The following RAB10 variants were observed in gnomAD, a reference collection of about 807,000 sequenced individuals.
RAB10 encodes the protein ras-related protein Rab-10.
RAB10 carries 5 observed loss-of-function variants against 25.7 expected under a neutral mutation model. That is an observed-to-expected ratio of 0.19 (90% confidence interval 0.10 to 0.41). The LOEUF is 0.41. Among genes scored for constraint, RAB10 ranks in the 10% least tolerant of loss-of-function variants. The pLI, the probability that RAB10 is intolerant of heterozygous loss-of-function variation, is 1.00. For missense variants in RAB10, 103 were observed against 245.8 expected (o/e 0.42, Z 3.89); for synonymous variants, 89 against 86.4 (o/e 1.03, Z -0.16).
intron 5 of RAB10, among the ~76,000 whole-genome samples, chr2:26,132,418 G>C (rs537973600): frequency 6.6e-6 from 1 of 151,962 alleles, no homozygotes; most frequent in East Asian, 1.9e-4. Flanking sequence ...CACGCCTGGC[G>C]AATTTTTATA....
At chr2:26,097,512 A>AG (rs1667247820) in intron 1 of RAB10, among the ~76,000 whole-genome samples, 1 of 152,154 alleles carries the variant, frequency 6.6e-6, no homozygotes, top group Non-Finnish European at 1.5e-5. Context: ...TCCTGACCTC[A>AG]GGTGATCCGC....
At chr2:26,033,725 C>A (rs919850394), upstream of RAB10, among the ~76,000 whole-genome samples, 22 of 152,150 alleles carry the variant, frequency 1.4e-4, no homozygotes, top group African/African-American at 5.3e-4. Context: ...AGCGGGAGAC[C>A]CCGGGAGGGG....
At chr2:26,049,386 C>T (rs1314924677) in intron 1 of RAB10, among the ~76,000 whole-genome samples, 4 of 150,992 alleles carry the variant, frequency 2.6e-5, no homozygotes, top group Non-Finnish European at 4.4e-5. Context: ...ATTTACACTG[C>T]GCTTTCTGAA....
chr2:26,109,936 A>G, intron 3 of RAB10, 30 bp downstream of exon 3: 2 of 1,527,670 alleles, frequency 1.3e-6, no homozygotes, highest in Non-Finnish European at 1.8e-6. Context: ...TAAACCCTTC[A>G]TGAACACACA....
intron 1 of RAB10, among the ~76,000 whole-genome samples, chr2:26,061,090 GTCT>G (rs1666384688): frequency 1.2e-5 from 1 of 85,046 alleles, no homozygotes; most frequent in Admixed American, 1.4e-4. Context: ...ATTTATCTCT[GTCT>G]TTTTTTTTTT....
At chr2:26,086,429 G>T (rs1218159321) in intron 1 of RAB10, among the ~76,000 whole-genome samples, 1 of 152,164 alleles carries the variant, frequency 6.6e-6, no homozygotes, top group African/African-American at 2.4e-5. Context: ...CACTAGGATG[G>T]CTATTTAAAA....
intron 1 of RAB10, among the ~76,000 whole-genome samples, chr2:26,082,879 G>A (rs1666898304): frequency 6.6e-6 from 1 of 152,066 alleles, no homozygotes; most frequent in African/African-American, 2.4e-5. Context: ...AGGAATTTAT[G>A]AAAAGAATAA....
At chr2:26,073,460 A>G (rs763828377) in intron 1 of RAB10, among the ~76,000 whole-genome samples, 10 of 152,224 alleles carry the variant, frequency 6.6e-5, no homozygotes, top group Non-Finnish European at 1.5e-4. Context: ...TATGAGCTCA[A>G]GCCACAGCCA....
At chr2:26,134,147 G>A (rs1209201006) in intron 5 of RAB10, among the ~76,000 whole-genome samples, 1 of 151,742 alleles carries the variant, frequency 6.6e-6, no homozygotes, top group African/African-American at 2.4e-5. Context: ...TTACTCTCTT[G>A]GTCTGTTGCA....
chr2:26,089,403 A>G (rs1240249769), intron 1 of RAB10, among the ~76,000 whole-genome samples: 1 of 142,748 alleles, frequency 7.0e-6, no homozygotes, highest in Non-Finnish European at 1.5e-5. Flanking sequence ...AGCCTGGGCG[A>G]TAGAGTGAGA....
intron 1 of RAB10, among the ~76,000 whole-genome samples, chr2:26,048,336 A>G (rs1354765560): frequency 1.3e-5 from 2 of 152,168 alleles, no homozygotes; most frequent in Non-Finnish European, 2.9e-5. Context: ...TCAGCAGTGT[A>G]TGAGTGCACT....
At chr2:26,084,161 C>T (rs898685096) in intron 1 of RAB10, among the ~76,000 whole-genome samples, 19 of 152,166 alleles carry the variant, frequency 1.2e-4, no homozygotes, top group African/African-American at 4.3e-4. Context: ...TGGCCTGTTC[C>T]CTTACCTTAA....
intron 3 of RAB10, among the ~76,000 whole-genome samples, chr2:26,111,189 A>G (rs551555694): frequency 2.6e-5 from 4 of 152,330 alleles, no homozygotes; most frequent in Admixed American, 1.3e-4. Context: ...CAAGTCTTAA[A>G]CCAATATTAG....
In RAB10 at chr2:26,119,408, C is replaced by CA. The variant is rs555600804; in HGVS notation, c.328-7726dup. Among the ~76,000 whole-genome samples the CA allele has an allele frequency of 8.7e-4, 126 of 144,298 alleles. 3 individuals are homozygous for CA. The South Asian group carries it at 0.014, about 16-fold the overall frequency. 94.7% of individuals were successfully genotyped at this position (144,298 alleles called of 152,430 possible). A position where few individuals can be genotyped will look rare whatever the true frequency, so the allele number is the denominator to read the frequency against. On this transcript the variant is annotated intron_variant, in intron 3 of 5. Coordinates refer to ENST00000264710, the MANE Select transcript of RAB10 (RefSeq NM_016131.5). ...TGGGTGACACAGCGAGACCCTGTCT[C>CA]AAAAAAAAAATAAATTTTAAAAAGA...
At chr2:26,093,826 T>C (rs1344004866) in intron 1 of RAB10, among the ~76,000 whole-genome samples, 2 of 152,250 alleles carry the variant, frequency 1.3e-5, no homozygotes, top group African/African-American at 4.8e-5. Flanking sequence ...GGCTGTAATC[T>C]CAATAAAAGG....
chr2:26,060,167 T>C (rs1015322259), intron 1 of RAB10, among the ~76,000 whole-genome samples: 3 of 152,224 alleles, frequency 2.0e-5, no homozygotes, highest in South Asian at 2.1e-4. Flanking sequence ...AATTCTCTAA[T>C]ATGGAGGGGG....
intron 1 of RAB10, among the ~76,000 whole-genome samples, chr2:26,038,581 C>T (rs188364245): frequency 1.3e-5 from 2 of 152,202 alleles, no homozygotes; most frequent in East Asian, 1.9e-4. Context: ...ATAAATGATT[C>T]TGAGTACAGC....
chr2:26,038,665 A>G (rs1429756414), intron 1 of RAB10, among the ~76,000 whole-genome samples: 2 of 151,858 alleles, frequency 1.3e-5, no homozygotes, highest in African/African-American at 2.4e-5. Flanking sequence ...GCTCACGCCT[A>G]TAATCCCAGC....
intron 1 of RAB10, among the ~76,000 whole-genome samples, chr2:26,085,557 GT>G (rs1666959351): frequency 1.3e-5 from 2 of 150,792 alleles, no homozygotes; most frequent in Admixed American, 1.3e-4. Flanking sequence ...CTTCTTCCAA[GT>G]GTATTTTCCT....
Sources: allele counts gnomAD v4.1 joint callset (sites outside exome capture counted in the v4.1 genomes callset), GRCh38; gene constraint gnomAD v4.1.1; transcripts MANE v1.5; gene names NCBI Gene and HGNC (gene_info 2026-07-23, HGNC 2026-07-21).